The following DRAXIN variants were observed in gnomAD, a reference collection of about 807,000 sequenced individuals.
DRAXIN encodes dorsal repulsive axon guidance protein.
Under a neutral mutation model 33.9 loss-of-function variants are expected in DRAXIN, and 27 were observed. The observed-to-expected ratio is 0.80, with a 90% CI of 0.59 to 1.10. The LOEUF (loss-of-function observed/expected upper bound fraction) is 1.10, where lower values mean the gene tolerates loss of function less well. DRAXIN is among the 50% of genes least tolerant of loss of function. The pLI, the probability that DRAXIN is intolerant of heterozygous loss-of-function variation, is 0.00. For missense variants in DRAXIN, 371 were observed against 460.8 expected (o/e 0.81, Z 1.78); for synonymous variants, 178 against 194.0 (o/e 0.92, Z 0.69).
At chr1:11,718,141 TAAA>T (rs60384383) in intron 6 of DRAXIN, among the ~76,000 whole-genome samples, 6 of 116,166 alleles carry the variant, frequency 5.2e-5, no homozygotes, top group Non-Finnish European at 3.6e-5. Flanking sequence ...CCATCTCTGC[TAAA>T]AAAAAAAAAA....
At chr1:11,719,361 C>G (rs377550337) in intron 6 of DRAXIN, among the ~76,000 whole-genome samples, 5 of 152,310 alleles carry the variant, frequency 3.3e-5, no homozygotes, top group African/African-American at 1.2e-4. Flanking sequence ...ATATGTTCAC[C>G]GCCCCGACCG....
upstream of DRAXIN, among the ~76,000 whole-genome samples, chr1:11,686,743 G>A (rs1247880933): frequency 1.4e-4 from 19 of 136,146 alleles, no homozygotes; most frequent in African/African-American, 4.9e-4. Flanking sequence ...GGAGTGTCCA[G>A]ATATATTCAG....
rs1437695068 is a variant in DRAXIN at position 11,719,727 on chromosome 1, G to C, written c.*31G>C. On this transcript the variant is annotated 3_prime_UTR_variant, in exon 7 of 7. Coordinates refer to ENST00000294485, the MANE Select transcript of DRAXIN (RefSeq NM_198545.4). ...CCGCGGGACTGGGGACTGAGCCCAGGAGGTTTGCACAAGCCGGGCGATTTG... is the reference window on the plus strand; with the variant it reads ...CCGCGGGACTGGGGACTGAGCCCAGCAGGTTTGCACAAGCCGGGCGATTTG... 5 of 1,593,514 alleles carry C rather than the reference G, an allele frequency of 3.1e-6. No homozygotes were observed. Among genetic ancestry groups the C allele is most frequent in the Non-Finnish European group, 4.3e-6 (5 of 1,163,610 alleles).
At chr1:11,708,972 A>AT (rs1641432903) in intron 2 of DRAXIN, among the ~76,000 whole-genome samples, 1 of 152,142 alleles carries the variant, frequency 6.6e-6, no homozygotes, top group Non-Finnish European at 1.5e-5. Context: ...CCTATTTGTT[A>AT]TACTTACATA....
rs1225571526 is a variant in DRAXIN, at chr1:11,696,504, T to G, written c.-11+4651T>G. The stretch of plus-strand genomic sequence containing the variant: ...GGAAGGCTGAGGCAGGAGAATCGCT[T>G]GAACCTGGGAGGCGGAGGTTGCAGT... On this transcript the variant is annotated intron_variant, in intron 1 of 6. Coordinates refer to ENST00000294485, the MANE Select transcript of DRAXIN (RefSeq NM_198545.4). This position sits in a 1 kb window ranked among gnomAD's most constrained non-coding sequence, Gnocchi z 4.7. Among the ~76,000 whole-genome samples the G allele has an allele frequency of 6.6e-6, 1 of 152,016 alleles. No individual in the cohort carries two copies. Among genetic ancestry groups the G allele is most frequent in the Non-Finnish European group, 1.5e-5 (1 of 67,996 alleles).
chr1:11,709,184 C>G (rs887479700), intron 2 of DRAXIN, 91 bp from the exon 3 acceptor site: 3 of 1,344,722 alleles, frequency 2.2e-6, no homozygotes, highest in Non-Finnish European at 3.0e-6. Context: ...CTGCTGCCTC[C>G]TAGTTTGCAG....
chr1:11,687,072 T>C (rs534876653), upstream of DRAXIN, among the ~76,000 whole-genome samples: 29 of 152,192 alleles, frequency 1.9e-4, no homozygotes, highest in African/African-American at 6.0e-4. The surrounding 1 kb of genome is among the most constrained non-coding windows in gnomAD (Gnocchi z 4.1). Context: ...TATTTTTTTA[T>C]TTTATTTTTT....
At chr1:11,698,155 C>G (rs1641221127) in intron 1 of DRAXIN, among the ~76,000 whole-genome samples, 1 of 152,150 alleles carries the variant, frequency 6.6e-6, no homozygotes. Context: ...AGGGAATAGA[C>G]TCATGAAGGG....
intron 6 of DRAXIN, among the ~76,000 whole-genome samples, chr1:11,716,012 G>A (rs186987856): frequency 5.8e-4 from 88 of 152,324 alleles, no homozygotes; most frequent in African/African-American, 2.1e-3. Flanking sequence ...TCTGACTACA[G>A]GCGCATGCCA....
chr1:11,700,709 TCCCCGTGGGGG>T (rs1444099443), intron 1 of DRAXIN, among the ~76,000 whole-genome samples: 1 of 152,210 alleles, frequency 6.6e-6, no homozygotes, highest in Admixed American at 6.5e-5. Flanking sequence ...GCTCCGGTTC[TCCCCGTGGGGG>T]GTTGCCTGCT....
chr1:11,718,322 A>AG, intron 6 of DRAXIN, among the ~76,000 whole-genome samples: 1 of 151,508 alleles, frequency 6.6e-6, no homozygotes, highest in Non-Finnish European at 1.5e-5. Flanking sequence ...TCTCAAAAAA[A>AG]AAAAAAAAAA....
At chr1:11,715,053 C>G (rs1403549680) in intron 5 of DRAXIN, 66 bp from the exon 6 acceptor site, 8 of 1,569,294 alleles carry the variant, frequency 5.1e-6, no homozygotes, top group Non-Finnish European at 7.0e-6. Context: ...CCAGTGGGAC[C>G]GAGTGCAGGG....
In DRAXIN at chr1:11,706,013, G is replaced by A. The variant is rs1016998586; in HGVS notation, c.-10-236G>A. Among the ~76,000 whole-genome samples, 1 of 152,118 alleles carries A rather than the reference G, an allele frequency of 6.6e-6. No homozygotes were observed. The highest frequency in any genetic ancestry group is 1.5e-5 in the Non-Finnish European group (1 of 67,996). ...TCTGGGCCGGATGATTCTTGGTTTC[G>A]GGGGCTGTCCTGTGCATTGTCGGGC... On this transcript the variant is annotated intron_variant, in intron 1 of 6. Coordinates refer to ENST00000294485, the MANE Select transcript of DRAXIN (RefSeq NM_198545.4). This position sits in a 1 kb window ranked among gnomAD's most constrained non-coding sequence, Gnocchi z 5.5.
Position 11,706,293 on chromosome 1 carries a change from T to C in DRAXIN, c.35T>C (p.Leu12Pro), listed in dbSNP as rs1362609742. ...AGPAIHTAPM[L>P]FLVLLLPLEL... ...CCTGCCATCCACACCGCTCCCATGC[T>C]GTTCCTCGTCCTCCTGCTGCCCCTG... The change falls in exon 2 of 7, where the codon CTG (leucine) becomes CCG (proline). Residue 12 changes from leucine (L) to proline (P), a missense_variant. Coordinates refer to ENST00000294485, the MANE Select transcript of DRAXIN (RefSeq NM_198545.4). This position sits in a 1 kb window ranked among gnomAD's most constrained non-coding sequence, Gnocchi z 5.5. 1 of 1,611,840 alleles carries C rather than the reference T, an allele frequency of 6.2e-7. No individual in the cohort carries two copies. The highest frequency in any genetic ancestry group is 1.3e-5 in the African/African-American group (1 of 74,914).
At position 11,712,338 on chromosome 1, in the gene DRAXIN, A is replaced by G; in HGVS notation, c.758-2A>G. 6.2e-7 allele frequency: 1 copy of G among 1,614,006 alleles called. No homozygotes were observed. The highest frequency in any genetic ancestry group is 8.5e-7 in the Non-Finnish European group (1 of 1,179,966). On this transcript the variant is annotated splice_acceptor_variant, in intron 4 of 6. Transcript: ENST00000294485. LOFTEE classifies it high-confidence loss of function. ...TCTGACGACAGATCTTCTTATCCCC[A>G]GAGAAACACCGCGGTAAACTCTCCA...
chr1:11,725,585 A>G lies in DRAXIN; in HGVS notation c.*5889A>G, dbSNP rs1450469060. 3 of 152,146 alleles carry G rather than the reference A, an allele frequency of 2.0e-5. No homozygotes were observed. Among genetic ancestry groups the G allele is most frequent in the African/African-American group, 7.2e-5 (3 of 41,416 alleles). 9.4% of individuals were successfully genotyped at this position (152,146 alleles called of 1,614,324 possible). On this transcript the variant is annotated 3_prime_UTR_variant, in exon 7 of 7. Transcript: ENST00000294485. ...AATCCGAGACCTGTTTTGCGTAGCT[A>G]ATTACCAGCAATGACAAACTCCCAG...
At position 11,715,145 on chromosome 1, in the gene DRAXIN, C is replaced by G. The variant is rs1009500042; in HGVS notation, c.874C>G (p.Leu292Val). The G allele has an allele frequency of 6.2e-7, 1 of 1,614,270 alleles. No homozygotes were observed. The highest frequency in any genetic ancestry group is 1.7e-5 in the Admixed American group (1 of 60,032). The stretch of plus-strand genomic sequence containing the variant: ...GACTTGCTGCGACCTGCGGGAGCAT[C>G]TCTGCACACCCCACAACCGAGGCCT... ...PGTCCDLREH[L>V]CTPHNRGLNN... Residue 292 changes from leucine (L) to valine (V), a missense_variant, in exon 6 of 7, where the codon CTC becomes GTC. Leu to Val is a conservative substitution (Grantham distance 32). Transcript: ENST00000294485.
At position 11,692,355 on chromosome 1, in the gene DRAXIN, C is replaced by A. The variant is rs1196192663; in HGVS notation, c.-11+502C>A. 6.6e-6 allele frequency among the ~76,000 whole-genome samples: 1 copy of A among 152,028 alleles called. No homozygotes were observed. The highest frequency in any genetic ancestry group is 1.5e-5 in the Non-Finnish European group (1 of 67,996). ...AGAGCTGGCGGGCGTGCCCTCCAGC[C>A]CCTTTCGAGGCCGCCCAGGAGGCTG... On this transcript the variant is annotated intron_variant, in intron 1 of 6. Transcript: ENST00000294485. The surrounding 1 kb of genome is among the most constrained non-coding windows in gnomAD (Gnocchi z 5.8).
At chr1:11,713,250 T>C (rs1641525693) in intron 5 of DRAXIN, among the ~76,000 whole-genome samples, 1 of 151,932 alleles carries the variant, frequency 6.6e-6, no homozygotes, top group African/African-American at 2.4e-5. Flanking sequence ...AGCCAGGTGA[T>C]TGAGCCCCAG....
Sources: allele counts gnomAD v4.1 joint callset (sites outside exome capture counted in the v4.1 genomes callset), GRCh38; gene constraint gnomAD v4.1.1; non-coding constraint Gnocchi (gnomAD v3.1); transcripts MANE v1.5; gene names NCBI Gene and HGNC (gene_info 2026-07-23, HGNC 2026-07-21).